PCDHGA4: variants seen among roughly 807,000 people sequenced by gnomAD.
PCDHGA4 encodes the protein protocadherin gamma-A4.
A neutral mutation model predicts 54.6 loss-of-function variants in PCDHGA4; 38 were observed. The ratio of observed to expected loss-of-function variants is 0.70; its 90% CI spans 0.54 to 0.91. PCDHGA4 has a LOEUF of 0.91. Among genes scored for constraint, PCDHGA4 ranks in the 40% least tolerant of loss-of-function variants. The pLI is 0.00. For missense variants in PCDHGA4, 1,298 were observed against 1,220.9 expected (o/e 1.06, Z -0.94); for synonymous variants, 511 against 512.9 (o/e 1.00, Z 0.05).
rs537684458 is a variant in PCDHGA4, at chr5:141,431,679, T to G, written c.2515-63128T>G. The G allele has an allele frequency of 1.5e-5, 24 of 1,614,222 alleles. No individual in the cohort carries two copies. The highest frequency in any genetic ancestry group is 3.3e-5 in the Admixed American group (2 of 60,028). On this transcript the variant is annotated intron_variant, in intron 1 of 3. Coordinates refer to ENST00000571252, the MANE Select transcript of PCDHGA4 (RefSeq NM_018917.4). The surrounding 1 kb of genome is among the most constrained non-coding windows in gnomAD (Gnocchi z 4.8). ...GGGACAATATCAACAATAGGGGAGT[T>G]GGACCACGAGGAGTCAGGATTCTAC...
At chr5:141,415,258 C>G (rs1228702476) in intron 1 of PCDHGA4, 1 of 1,614,214 alleles carries the variant, frequency 6.2e-7, no homozygotes, top group Non-Finnish European at 8.5e-7. Context: ...AGACCTCACT[C>G]TGTACCTGGT....
At chr5:141,481,070 A>G (rs2099531062) in intron 1 of PCDHGA4, among the ~76,000 whole-genome samples, 1 of 152,144 alleles carries the variant, frequency 6.6e-6, no homozygotes, top group South Asian at 2.1e-4. Context: ...AAACAAAAAG[A>G]AAGAAAGAAA....
At chr5:141,375,629 G>T (rs567513392) in intron 1 of PCDHGA4, 4 of 1,614,074 alleles carry the variant, frequency 2.5e-6, no homozygotes, top group African/African-American at 1.3e-5. Context: ...GATTCTGTAC[G>T]CCCTGCGCTC....
At chr5:141,409,024 T>C (rs2095212064) in intron 1 of PCDHGA4, 2 of 1,613,988 alleles carry the variant, frequency 1.2e-6, no homozygotes, top group South Asian at 1.1e-5. Context: ...AGGGGGTCAA[T>C]GCTGAGATAA....
intron 1 of PCDHGA4, chr5:141,418,513 G>T (rs377653202): frequency 1.1e-4 from 173 of 1,613,842 alleles, no homozygotes; most frequent in Non-Finnish European, 1.2e-4. Flanking sequence ...TAGATGGTGG[G>T]GACCCTCCCC....
intron 1 of PCDHGA4, among the ~76,000 whole-genome samples, chr5:141,450,726 A>G (rs1302961852): frequency 2.0e-5 from 3 of 151,932 alleles, no homozygotes; most frequent in Admixed American, 2.0e-4. Flanking sequence ...ACCTCAGGTG[A>G]TCCGCCCGCC....
At chr5:141,427,637 C>T (rs771573587) in intron 1 of PCDHGA4, 5 of 707,806 alleles carry the variant, frequency 7.1e-6, no homozygotes, top group Non-Finnish European at 1.3e-5. Context: ...CGGTTTTCCA[C>T]CAAGTCTCCT....
Position 141,453,292 on chromosome 5 carries a change from T to A in PCDHGA4, c.2515-41515T>A, listed in dbSNP as rs141563552. The stretch of plus-strand genomic sequence containing the variant: ...CCATGACTGGCTAATTTTTTAATTA[T>A]TTATTTATTTATTTATTTATTTTAG... On this transcript the variant is annotated intron_variant, in intron 1 of 3. Transcript: ENST00000571252. Among the ~76,000 whole-genome samples, 253 of 151,810 alleles carry A rather than the reference T, an allele frequency of 1.7e-3. 1 individual carries two copies. The highest frequency in any genetic ancestry group is 2.6e-3 in the Non-Finnish European group (178 of 67,938).
intron 1 of PCDHGA4, chr5:141,478,782 T>C: frequency 6.7e-7 from 1 of 1,485,212 alleles, no homozygotes. Context: ...GTGGACCTAA[T>C]TCACATCCTC....
intron 1 of PCDHGA4, chr5:141,402,987 G>GATTA: frequency 6.2e-7 from 1 of 1,611,924 alleles, no homozygotes; most frequent in Non-Finnish European, 8.5e-7. Flanking sequence ...CTCCGCGGAA[G>GATTA]ATTAGTCCTG....
intron 1 of PCDHGA4, among the ~76,000 whole-genome samples, chr5:141,456,124 C>G (rs2098844023): frequency 6.6e-6 from 1 of 152,072 alleles, no homozygotes. Context: ...GTCTCCATCT[C>G]CTGACCTCCT....
intron 1 of PCDHGA4, chr5:141,393,531 C>G (rs997965420): frequency 6.2e-7 from 1 of 1,614,008 alleles, no homozygotes; most frequent in Non-Finnish European, 8.5e-7. Context: ...TGACAATGCC[C>G]CGGTTTTTCC....
chr5:141,441,364 CGT>C (rs1283671958), intron 1 of PCDHGA4: 1 of 152,528 alleles, frequency 6.6e-6, no homozygotes, highest in African/African-American at 2.4e-5. Context: ...CAAATGGGGC[CGT>C]GGACCAGGAA....
At chr5:141,392,991 G>A in intron 1 of PCDHGA4, 1 of 1,613,904 alleles carries the variant, frequency 6.2e-7, no homozygotes, top group Middle Eastern at 1.7e-4. Flanking sequence ...CCGGAAGCTG[G>A]CGAAGCACGG....
In PCDHGA4 at chr5:141,491,158, GA is replaced by G; in HGVS notation, c.2515-3648del. On this transcript the variant is annotated intron_variant, in intron 1 of 3. Transcript: ENST00000571252. This position sits in a 1 kb window ranked among gnomAD's most constrained non-coding sequence, Gnocchi z 6.9. ...CCGGGCCTTACTGGAGGATGACTCT[GA>G]CACCCAGCAGGTGGTGGTCCTGGTG... 6.2e-7 allele frequency: 1 copy of G among 1,614,130 alleles called. No homozygotes were observed. The highest frequency in any genetic ancestry group is 8.5e-7 in the Non-Finnish European group (1 of 1,179,972).
rs199552905 is a variant in PCDHGA4 at position 141,423,400 on chromosome 5, C to A, written c.2514+65779C>A. On this transcript the variant is annotated intron_variant, in intron 1 of 3. Transcript: ENST00000571252. Reference sequence around the variant, plus strand: ...GCTGTGGCGCTGGCATAAGTCACGCCTGCTGCAGGCTTCTGAAGGCGGGTT... The same window carrying A: ...GCTGTGGCGCTGGCATAAGTCACGCATGCTGCAGGCTTCTGAAGGCGGGTT... 62 of 1,614,152 alleles carry A rather than the reference C, an allele frequency of 3.8e-5. No homozygotes were observed. The African/African-American group carries it at 6.9e-4, about 18-fold the overall frequency.
Position 141,485,605 on chromosome 5 carries a change from G to A in PCDHGA4, c.2515-9202G>A. On this transcript the variant is annotated intron_variant, in intron 1 of 3. Transcript: ENST00000571252. This position sits in a 1 kb window ranked among gnomAD's most constrained non-coding sequence, Gnocchi z 5.7. The stretch of plus-strand genomic sequence containing the variant: ...AGCAGCTGGACTTGGAAATTGGGGA[G>A]GCAGCTCCTCCAGGACAGCGTTTCC... 6.2e-7 allele frequency: 1 copy of A among 1,612,448 alleles called. No homozygotes were observed. Among genetic ancestry groups the A allele is most frequent in the Non-Finnish European group, 8.5e-7 (1 of 1,178,750 alleles).
At chr5:141,417,743 A>T in intron 1 of PCDHGA4, 2 of 1,419,054 alleles carry the variant, frequency 1.4e-6, no homozygotes, top group Non-Finnish European at 1.9e-6. Flanking sequence ...AGCACACCAG[A>T]TTGCCAGCTC....
At chr5:141,498,964 G>A (rs1342764380) in intron 2 of PCDHGA4, among the ~76,000 whole-genome samples, 2 of 127,572 alleles carry the variant, frequency 1.6e-5, no homozygotes, top group Admixed American at 8.7e-5. Context: ...AGAGAGGGAG[G>A]GAGGGAGGGA....
Sources: gnomAD v4.1 joint callset for allele counts (sites outside exome capture counted in the v4.1 genomes callset) on GRCh38, gnomAD v4.1.1 for gene constraint, Gnocchi (gnomAD v3.1) non-coding constraint, MANE v1.5 for transcripts, NCBI Gene and HGNC (gene_info 2026-07-23, HGNC 2026-07-21) for gene names.